MEI4: variants seen among roughly 807,000 people sequenced by gnomAD.
The protein encoded by MEI4 is meiotic double-stranded break formation protein 4.
Under a neutral mutation model 31.4 loss-of-function variants are expected in MEI4, and 27 were observed. The ratio of observed to expected loss-of-function variants is 0.86; its 90% CI spans 0.63 to 1.19. The LOEUF (loss-of-function observed/expected upper bound fraction) is 1.19, where lower values mean the gene tolerates loss of function less well. Ranked by LOEUF, MEI4 falls within the 50% of genes most tolerant of loss-of-function variation. The pLI, the probability that MEI4 is intolerant of heterozygous loss-of-function variation, is 0.00. For synonymous variants in MEI4, 122 were observed against 145.4 expected (o/e 0.84, Z 1.16); for missense variants, 329 against 398.9 (o/e 0.82, Z 1.49).
intron 3 of MEI4, among the ~76,000 whole-genome samples, chr6:77,810,337 C>G (rs1169278575): frequency 6.6e-6 from 1 of 152,030 alleles, no homozygotes. Context: ...TTATCTCTGG[C>G]CTTGGGATAG....
chr6:77,694,732 T>C (rs1479810172), intron 2 of MEI4, among the ~76,000 whole-genome samples: 1 of 152,070 alleles, frequency 6.6e-6, no homozygotes, highest in East Asian at 1.9e-4. Flanking sequence ...TACGTGTGCA[T>C]GTGTCTTTAT....
intron 3 of MEI4, among the ~76,000 whole-genome samples, chr6:77,772,232 A>G (rs1161272562): frequency 7.0e-6 from 1 of 143,602 alleles, no homozygotes; most frequent in Non-Finnish European, 1.5e-5. Context: ...ATTACCCTGA[A>G]AGCAAAACCA....
chr6:77,695,350 C>T (rs1453158177), intron 2 of MEI4, among the ~76,000 whole-genome samples: 1 of 148,086 alleles, frequency 6.8e-6, no homozygotes, highest in Non-Finnish European at 1.5e-5. Flanking sequence ...TGCCTATGTC[C>T]TGAATGGTAT....
intron 3 of MEI4, among the ~76,000 whole-genome samples, chr6:77,808,744 G>C (rs1769501177): frequency 2.0e-5 from 3 of 152,138 alleles, no homozygotes; most frequent in Non-Finnish European, 4.4e-5. Context: ...TATTTAGAAG[G>C]CCTTTGGGAT....
At chr6:77,690,998 T>G in intron 2 of MEI4, 95 bp downstream of exon 2, 1 of 654,346 alleles carries the variant, frequency 1.5e-6, no homozygotes, top group Non-Finnish European at 2.2e-6. Flanking sequence ...CATGAAAATT[T>G]TTAGTTTCCA....
At chr6:77,755,330 T>A (rs2127679932) in intron 2 of MEI4, among the ~76,000 whole-genome samples, 1 of 152,204 alleles carries the variant, frequency 6.6e-6, no homozygotes, top group East Asian at 1.9e-4. Flanking sequence ...GGGTTAAGGG[T>A]TCAGCAAAAT....
intron 4 of MEI4, among the ~76,000 whole-genome samples, chr6:77,860,001 T>C (rs549766270): frequency 1.6e-4 from 25 of 152,202 alleles, no homozygotes; most frequent in African/African-American, 6.0e-4. Flanking sequence ...ATTCATGTGC[T>C]TCCAAGAATT....
At chr6:77,760,513 G>C (rs1375449484) in intron 2 of MEI4, among the ~76,000 whole-genome samples, 1 of 152,038 alleles carries the variant, frequency 6.6e-6, no homozygotes, top group Non-Finnish European at 1.5e-5. Flanking sequence ...ACTTTCTGTG[G>C]AAGCAACATC....
rs762084092 is a variant in MEI4, at chr6:77,736,356, G to A, written c.233-24774G>A. Among the ~76,000 whole-genome samples, 15 of 152,172 alleles carry A rather than the reference G, an allele frequency of 9.9e-5. 1 individual carries two copies. In the South Asian group the frequency reaches 1.0e-3, roughly 11 times the overall value. On this transcript the variant is annotated intron_variant, in intron 2 of 4. Coordinates refer to ENST00000684080, the MANE Select transcript of MEI4 (RefSeq NM_001322247.2). ...CTCCTGGTGCGCCGTTTTTAAGCCCGTTGGAAAAGCGCAGTATTTGGGTGG... is the reference window on the plus strand; with the variant it reads ...CTCCTGGTGCGCCGTTTTTAAGCCCATTGGAAAAGCGCAGTATTTGGGTGG...
At chr6:77,891,424 G>C (rs1187803633) in intron 4 of MEI4, among the ~76,000 whole-genome samples, 1 of 151,892 alleles carries the variant, frequency 6.6e-6, no homozygotes, top group Non-Finnish European at 1.5e-5. Flanking sequence ...TTTGTGATTT[G>C]ATTTTATTTA....
chr6:77,729,210 T>C (rs570341412), intron 2 of MEI4, among the ~76,000 whole-genome samples: 2 of 152,276 alleles, frequency 1.3e-5, no homozygotes, highest in Admixed American at 6.5e-5. Flanking sequence ...ATCCAAAGAA[T>C]AGTAGTGTAA....
At chr6:77,717,130 TG>T (rs1766601041) in intron 2 of MEI4, among the ~76,000 whole-genome samples, 2 of 132,986 alleles carry the variant, frequency 1.5e-5, no homozygotes, top group Non-Finnish European at 3.2e-5. Context: ...TGATCATCTG[TG>T]GGTGTTTCTC....
In MEI4 at chr6:77,736,210, A is replaced by C. The variant is rs541820704; in HGVS notation, c.233-24920A>C. 7.2e-5 allele frequency among the ~76,000 whole-genome samples: 11 copies of C among 152,132 alleles called. No homozygotes were observed. The South Asian group carries it at 2.3e-3, about 32-fold the overall frequency. On this transcript the variant is annotated intron_variant, in intron 2 of 4. Coordinates refer to ENST00000684080, the MANE Select transcript of MEI4 (RefSeq NM_001322247.2). The stretch of plus-strand genomic sequence containing the variant: ...TTGTTTACCCTAAGCAAGCCTGGGC[A>C]ATGGCGGGCGCCCCTCCCCCAACCT...
intron 4 of MEI4, among the ~76,000 whole-genome samples, chr6:77,872,389 G>GTGCCA (rs919809163): frequency 4.7e-4 from 71 of 152,060 alleles, no homozygotes; most frequent in African/African-American, 1.7e-3. Context: ...GAGGTGTAGT[G>GTGCCA]TGCCATGATC....
At chr6:77,672,658 G>A (rs1768767274) in intron 1 of MEI4, among the ~76,000 whole-genome samples, 1 of 152,168 alleles carries the variant, frequency 6.6e-6, no homozygotes, top group African/African-American at 2.4e-5. Flanking sequence ...TCCTACTTCA[G>A]CCTCCTGAGT....
chr6:77,835,417 AAAAG>A (rs1770194351), intron 4 of MEI4, among the ~76,000 whole-genome samples: 3 of 150,542 alleles, frequency 2.0e-5, no homozygotes, highest in African/African-American at 7.3e-5. Flanking sequence ...TAAAAAAAAA[AAAAG>A]AAGAGAAAAA....
intron 3 of MEI4, among the ~76,000 whole-genome samples, chr6:77,789,209 T>A (rs904543807): frequency 4.6e-5 from 7 of 152,150 alleles, no homozygotes; most frequent in Non-Finnish European, 1.0e-4. Flanking sequence ...CATATGTAGA[T>A]AGCTGAAACT....
chr6:77,783,134 A>G (rs915392473), intron 3 of MEI4, among the ~76,000 whole-genome samples: 1 of 152,162 alleles, frequency 6.6e-6, no homozygotes, highest in African/African-American at 2.4e-5. Flanking sequence ...AGTGATGACT[A>G]TTTGAAAAAT....
intron 2 of MEI4, 116 bp downstream of exon 2, chr6:77,691,019 A>T (rs1769147863): frequency 4.3e-6 from 2 of 465,910 alleles, no homozygotes; most frequent in East Asian, 7.1e-5. Context: ...TGAAAGCTCG[A>T]CATCTTCTAG....
Sources: allele counts gnomAD v4.1 joint callset (sites outside exome capture counted in the v4.1 genomes callset), GRCh38; gene constraint gnomAD v4.1.1; transcripts MANE v1.5; gene names NCBI Gene and HGNC (gene_info 2026-07-23, HGNC 2026-07-21).